Variants in SHROOM4 observed in about 807,000 individuals in gnomAD.
SHROOM4 encodes protein Shroom4.
Under a neutral mutation model 80.3 loss-of-function variants are expected in SHROOM4, and 17 were observed. The ratio of observed to expected loss-of-function variants is 0.21; its 90% confidence interval spans 0.14 to 0.32. SHROOM4 has a LOEUF of 0.32. SHROOM4 is among the 10% of genes least tolerant of loss of function. The probability of loss-of-function intolerance (pLI) is 1.00; values close to 1 mark genes in which losing one functional copy is unlikely to be tolerated. For synonymous variants in SHROOM4, 400 were observed against 437.5 expected, an observed-to-expected ratio of 0.91 and a Z score of 1.07; for missense variants, 993 against 1,140.3, an observed-to-expected ratio of 0.87 and a Z score of 1.86.
downstream of SHROOM4, among the ~76,000 whole-genome samples, chrX:50,584,819 T>G (rs1409221464): frequency 9.0e-6 from 1 of 110,933 alleles, no homozygotes; most frequent in East Asian, 2.8e-4. Context: ...ATGTTTAATT[T>G]TGGATACATT....
Position 50,602,833 on chromosome X carries a change from C to A in SHROOM4, c.3762-20G>T, listed in dbSNP as rs1164558904. 2.5e-6 allele frequency: 3 copies of A among 1,195,892 alleles called. No homozygotes were observed. Among genetic ancestry groups the A allele is most frequent in the Non-Finnish European group, 3.4e-6 (3 of 883,348 alleles). On this transcript the variant is annotated intron_variant, in intron 6 of 8. Coordinates refer to ENST00000376020, the MANE Select transcript of SHROOM4 (RefSeq NM_020717.5). The stretch of plus-strand genomic sequence containing the variant: ...TCTTGTCTGTGGAAACAAAGAATGA[C>A]CATTTGAGCACCTCTGTTGAGAGGC...
At chrX:50,601,474 T>C (rs1929404082) in intron 7 of SHROOM4, among the ~76,000 whole-genome samples, 1 of 112,206 alleles carries the variant, frequency 8.9e-6, no homozygotes, top group Non-Finnish European at 1.9e-5. Flanking sequence ...CCCTGTAACT[T>C]CCTACGGGTC....
chrX:50,797,349 CCTT>C (rs1227586109), intron 1 of SHROOM4, among the ~76,000 whole-genome samples: 4 of 111,974 alleles, frequency 3.6e-5, no homozygotes, highest in Non-Finnish European at 5.6e-5. Flanking sequence ...ATAGAGATAA[CCTT>C]CTGTATGCTT....
intron 1 of SHROOM4, among the ~76,000 whole-genome samples, chrX:50,788,491 CAGCTACTCGGAGAGGCTG>C (rs1355391059): frequency 3.6e-5 from 4 of 109,922 alleles, no homozygotes; most frequent in African/African-American, 1.3e-4. Context: ...CCTGTAGCCC[CAGCTACTCGGAGAGGCTG>C]AGGCAGGAGA....
intron 1 of SHROOM4, among the ~76,000 whole-genome samples, chrX:50,724,317 T>G (rs1557265727): frequency 8.9e-6 from 1 of 112,299 alleles, no homozygotes; most frequent in Non-Finnish European, 1.9e-5. Flanking sequence ...CCTGCTGACA[T>G]GTTGGTTTTA....
chrX:50,803,513 G>A (rs1204049257), intron 1 of SHROOM4, among the ~76,000 whole-genome samples: 5 of 111,625 alleles, frequency 4.5e-5, no homozygotes, highest in African/African-American at 9.8e-5. Flanking sequence ...TGGAATCAAC[G>A]TCCTTCTTCC....
chrX:50,766,186 G>GTC (rs1407861754), intron 1 of SHROOM4, among the ~76,000 whole-genome samples: 1 of 111,643 alleles, frequency 9.0e-6, no homozygotes, highest in Admixed American at 9.5e-5. Context: ...AATGGGTCAA[G>GTC]TCTCTCACCT....
In SHROOM4 at chrX:50,690,522, C is replaced by T. The variant is rs1557262561; in HGVS notation, c.269+5264G>A. Reference sequence around the variant, plus strand: ...TCTCAAAGTTTTGGTAAGTCATGATCTCATTTTTATTATTGTTTGTTAGTC... The same window carrying T: ...TCTCAAAGTTTTGGTAAGTCATGATTTCATTTTTATTATTGTTTGTTAGTC... On this transcript the variant is annotated intron_variant, in intron 2 of 8. Coordinates refer to ENST00000376020, the MANE Select transcript of SHROOM4 (RefSeq NM_020717.5). Among the ~76,000 whole-genome samples, 5 of 112,182 alleles carry T rather than the reference C, an allele frequency of 4.5e-5. No homozygotes were observed. The South Asian group carries it at 1.5e-3, about 33-fold the overall frequency.
intron 1 of SHROOM4, among the ~76,000 whole-genome samples, chrX:50,804,916 A>T (rs945102345): frequency 6.3e-5 from 7 of 110,311 alleles, no homozygotes; most frequent in Admixed American, 2.0e-4. Context: ...CTGATCGCCA[A>T]TTTAAGTTAA....
chrX:50,808,299 T>G (rs1326018805), intron 1 of SHROOM4, among the ~76,000 whole-genome samples: 1 of 111,599 alleles, frequency 9.0e-6, no homozygotes, highest in Non-Finnish European at 1.9e-5. Context: ...CTGTCCACAG[T>G]CAAAACTTTC....
At chrX:50,626,766 G>T (rs1930822476) in intron 5 of SHROOM4, among the ~76,000 whole-genome samples, 1 of 111,870 alleles carries the variant, frequency 8.9e-6, no homozygotes, top group African/African-American at 3.3e-5. Flanking sequence ...CAGCACATAG[G>T]TTGTTTGGCA....
At chrX:50,745,171 T>C (rs940552695) in intron 1 of SHROOM4, among the ~76,000 whole-genome samples, 3 of 111,682 alleles carry the variant, frequency 2.7e-5, no homozygotes, top group East Asian at 5.6e-4. Context: ...TTAAACTCTT[T>C]CCACAGGTCT....
chrX:50,809,324 C>T (rs1216501653), intron 1 of SHROOM4, among the ~76,000 whole-genome samples: 1 of 112,256 alleles, frequency 8.9e-6, no homozygotes, highest in African/African-American at 3.2e-5. Context: ...AGCCACAAGA[C>T]AACCTCTATC....
rs1472991559 is a variant in SHROOM4 at position 50,587,811 on chromosome X, C to T, written c.*8884G>A. ...GTTTAACTTACAAACAGCAAAAATG[C>T]TACCACAATTCTGAATTTTGATTAA... On this transcript the variant is annotated 3_prime_UTR_variant, in exon 9 of 9. Coordinates refer to ENST00000376020, the MANE Select transcript of SHROOM4 (RefSeq NM_020717.5). Among the ~76,000 whole-genome samples, 1 of 112,057 alleles carries T rather than the reference C, an allele frequency of 8.9e-6. No individual in the cohort carries two copies. The highest frequency in any genetic ancestry group is 1.9e-5 in the Non-Finnish European group (1 of 53,172).
At position 50,808,358 on chromosome X, in the gene SHROOM4, A is replaced by G. The variant is rs782074707; in HGVS notation, c.117+5544T>C. Among the ~76,000 whole-genome samples the G allele has an allele frequency of 5.4e-5, 6 of 112,047 alleles. 1 individual carries two copies. The South Asian group carries it at 1.9e-3, about 35-fold the overall frequency. ...GAAGGGAATGAGCTCCCCTGTGACT[A>G]CTGTAGAACAAGCTCAGGGACACTG... On this transcript the variant is annotated intron_variant, in intron 1 of 8. Coordinates refer to ENST00000376020, the MANE Select transcript of SHROOM4 (RefSeq NM_020717.5).
downstream of SHROOM4, among the ~76,000 whole-genome samples, chrX:50,583,119 A>T (rs1928694891): frequency 9.1e-6 from 1 of 109,964 alleles, no homozygotes; most frequent in South Asian, 4.0e-4. Context: ...TAATAACTCC[A>T]AATGACTTCC....
intron 5 of SHROOM4, among the ~76,000 whole-genome samples, chrX:50,612,512 A>G (rs1557250080): frequency 8.9e-6 from 1 of 112,013 alleles, no homozygotes; most frequent in Non-Finnish European, 1.9e-5. Context: ...AATCTAGAGA[A>G]TAGAGAGAGA....
intron 2 of SHROOM4, among the ~76,000 whole-genome samples, chrX:50,688,668 A>G (rs971491434): frequency 9.0e-6 from 1 of 111,431 alleles, no homozygotes; most frequent in Non-Finnish European, 1.9e-5. Context: ...AAAGCCTAAA[A>G]TATTTATTTG....
intron 1 of SHROOM4, among the ~76,000 whole-genome samples, chrX:50,745,626 T>C (rs1934758083): frequency 9.0e-6 from 1 of 110,993 alleles, no homozygotes; most frequent in Non-Finnish European, 1.9e-5. Flanking sequence ...AGAATAAATC[T>C]TGTACAACAG....
Sources: allele counts gnomAD v4.1 joint callset (sites outside exome capture counted in the v4.1 genomes callset), GRCh38; gene constraint gnomAD v4.1.1; transcripts MANE v1.5; gene names NCBI Gene and HGNC (gene_info 2026-07-23, HGNC 2026-07-21).